DOCK4: variants seen among roughly 807,000 people sequenced by gnomAD.
The protein encoded by DOCK4 is dedicator of cytokinesis 4.
DOCK4 carries 97 observed loss-of-function variants against 268.1 expected under a neutral mutation model. The ratio of observed to expected loss-of-function variants is 0.36; its 90% confidence interval spans 0.31 to 0.43. The LOEUF (loss-of-function observed/expected upper bound fraction) is 0.43. DOCK4 is among the 20% of genes least tolerant of loss of function. DOCK4 has a pLI of 1.00. For missense variants in DOCK4, 2,145 were observed against 2,455.7 expected (o/e 0.87, Z 2.67); for synonymous variants, 954 against 887.2 (o/e 1.08, Z -1.34).
At chr7:111,736,810 T>C in intron 50 of DOCK4, 107 bp downstream of exon 50, 2 of 969,548 alleles carry the variant, frequency 2.1e-6, no homozygotes. Flanking sequence ...TCCTGATCAT[T>C]AAAGAGCTAG....
In DOCK4 at chr7:112,173,685, G is replaced by A. The variant is rs150814191; in HGVS notation, c.37+32417C>T. Among the ~76,000 whole-genome samples, 96 of 152,236 alleles carry A rather than the reference G, an allele frequency of 6.3e-4. No homozygotes were observed. The East Asian group carries it at 7.5e-3, about 12-fold the overall frequency. The stretch of plus-strand genomic sequence containing the variant: ...ACAGCATGAAGACCTGCAGGAGGCC[G>A]TAGTCACAGCTATGCCAGCTGAGGA... On this transcript the variant is annotated intron_variant, in intron 1 of 52. Coordinates refer to ENST00000428084, the MANE Select transcript of DOCK4 (RefSeq NM_001363540.2).
At chr7:111,950,859 A>G (rs1218535714) in intron 8 of DOCK4, among the ~76,000 whole-genome samples, 2 of 152,186 alleles carry the variant, frequency 1.3e-5, no homozygotes, top group African/African-American at 4.8e-5. Context: ...AAAAAACTAT[A>G]CTGATATGTT....
rs994826192 is a variant in DOCK4, at chr7:111,977,834, C to G, written c.550-551G>C. On this transcript the variant is annotated intron_variant, in intron 7 of 52. Transcript: ENST00000428084. ...GACAGGCTGTGGCAAATAATAGTTT[C>G]TAACTTGCTGTGGCGCTATAGGGAG... 2.6e-5 allele frequency among the ~76,000 whole-genome samples: 4 copies of G among 152,290 alleles called. No individual in the cohort carries two copies. The East Asian group carries it at 7.7e-4, about 29-fold the overall frequency.
At chr7:111,968,302 C>T (rs1586524859) in intron 8 of DOCK4, among the ~76,000 whole-genome samples, 2 of 80,848 alleles carry the variant, frequency 2.5e-5, no homozygotes, top group South Asian at 8.7e-4. Flanking sequence ...ATTTTCGTAA[C>T]CTACTCATCT....
At chr7:112,110,465 T>A (rs1455362592) in intron 1 of DOCK4, among the ~76,000 whole-genome samples, 2 of 152,208 alleles carry the variant, frequency 1.3e-5, no homozygotes, top group East Asian at 3.9e-4. Flanking sequence ...TGGGATAGAA[T>A]ACACTTAAAT....
chr7:112,204,781 G>T lies in DOCK4; in HGVS notation c.37+1321C>A, dbSNP rs187368169. On this transcript the variant is annotated intron_variant, in intron 1 of 52. Transcript: ENST00000428084. ...AAATCCCCTCGGACTACGACTCCCT[G>T]GGAAGGCTTTCCAGATGTTTTAAAT... 9.1e-3 allele frequency among the ~76,000 whole-genome samples: 1,388 copies of T among 151,708 alleles called. 27 individuals are homozygous for T. The highest frequency in any genetic ancestry group is 0.032 in the African/African-American group (1,324 of 41,326).
At chr7:111,822,519 C>A in intron 26 of DOCK4, 63 bp from the exon 27 acceptor site, 1 of 1,315,980 alleles carries the variant, frequency 7.6e-7, no homozygotes, top group Non-Finnish European at 1.1e-6. Context: ...TACATACGCA[C>A]ATACACAGGC....
intron 1 of DOCK4, among the ~76,000 whole-genome samples, chr7:112,160,906 A>G (rs1334398192): frequency 2.0e-5 from 3 of 152,190 alleles, no homozygotes; most frequent in Non-Finnish European, 4.4e-5. Context: ...TCTGAGCTCT[A>G]TTAAGCAGGA....
At chr7:112,066,494 C>T (rs568425387) in intron 1 of DOCK4, among the ~76,000 whole-genome samples, 2 of 130,794 alleles carry the variant, frequency 1.5e-5, no homozygotes, top group South Asian at 2.4e-4. Flanking sequence ...CTTTCTCTCT[C>T]TCCCTCTCTC....
At chr7:111,797,802 G>C (rs1485941903) in intron 30 of DOCK4, among the ~76,000 whole-genome samples, 1 of 152,088 alleles carries the variant, frequency 6.6e-6, no homozygotes, top group Non-Finnish European at 1.5e-5. Flanking sequence ...TTTATGAAAA[G>C]GCTGAGAAAG....
At chr7:112,107,457 A>G (rs1811236043) in intron 1 of DOCK4, among the ~76,000 whole-genome samples, 1 of 152,242 alleles carries the variant, frequency 6.6e-6, no homozygotes, top group South Asian at 2.1e-4. Flanking sequence ...TCTGCAAGAC[A>G]AAACGAGAGG....
chr7:112,057,865 A>C (rs1431109441), intron 1 of DOCK4, among the ~76,000 whole-genome samples: 1 of 151,906 alleles, frequency 6.6e-6, no homozygotes, highest in Non-Finnish European at 1.5e-5. Context: ...AAAAGGTTTT[A>C]TAAAACTAAA....
At chr7:111,845,388 A>G (rs528802048) in intron 24 of DOCK4, among the ~76,000 whole-genome samples, 1 of 152,362 alleles carries the variant, frequency 6.6e-6, no homozygotes, top group East Asian at 1.9e-4. Flanking sequence ...GCATGTAAAT[A>G]TTAGGAAATG....
rs757450490 is a variant in DOCK4, at chr7:111,741,544, G to A, written c.4915C>T (p.Arg1639Cys). ...ATAATTTGGAATATGACTTACCTGC[G>A]TCTAGGAATTACCCTGGTACCATCT... The part of the protein sequence containing the change: ...SPDGTRVIPR[R>C]SPLSYPAVNR... The change falls in exon 46 of 53, where the codon CGC becomes TGC. Residue 1639 changes from arginine (R) to cysteine (C), a missense_variant. By Grantham distance (180) the Arg-to-Cys change is radical. Coordinates refer to ENST00000428084, the MANE Select transcript of DOCK4 (RefSeq NM_001363540.2). 6.0e-5 allele frequency: 96 copies of A among 1,612,842 alleles called. No homozygotes were observed. The highest frequency in any genetic ancestry group is 8.0e-5 in the African/African-American group (6 of 75,008).
At chr7:111,954,087 T>A (rs1326430554) in intron 8 of DOCK4, among the ~76,000 whole-genome samples, 1 of 152,182 alleles carries the variant, frequency 6.6e-6, no homozygotes, top group African/African-American at 2.4e-5. Context: ...AGTAAACTTC[T>A]GTTTTTCTCT....
At position 111,736,902 on chromosome 7, in the gene DOCK4, T is replaced by TG. The variant is rs1173570582; in HGVS notation, c.5305+14dup. Reference sequence around the variant, plus strand: ...CCCTTACACATTCCAGGACTGACCATGGGGCTGGCCTTACCTTTTTCAGGT... The same window carrying TG: ...CCCTTACACATTCCAGGACTGACCATGGGGGCTGGCCTTACCTTTTTCAGGT... On this transcript the variant is annotated intron_variant, in intron 50 of 52. Transcript: ENST00000428084. 2 of 1,591,000 alleles carry TG rather than the reference T, an allele frequency of 1.3e-6. No homozygotes were observed. Among genetic ancestry groups the TG allele is most frequent in the Admixed American group, 1.8e-5 (1 of 56,356 alleles).
At chr7:112,193,112 C>T (rs1044700646) in intron 1 of DOCK4, among the ~76,000 whole-genome samples, 2 of 152,102 alleles carry the variant, frequency 1.3e-5, no homozygotes, top group Admixed American at 1.3e-4. Flanking sequence ...TATGATTAAA[C>T]CTGTCACCCT....
chr7:112,192,245 C>T (rs973873880), intron 1 of DOCK4, among the ~76,000 whole-genome samples: 1 of 148,586 alleles, frequency 6.7e-6, no homozygotes, highest in East Asian at 2.0e-4. Flanking sequence ...TACTTAACAT[C>T]GGTCAGGTGA....
intron 35 of DOCK4, among the ~76,000 whole-genome samples, chr7:111,782,588 G>T (rs1205152294): frequency 6.6e-6 from 1 of 152,098 alleles, no homozygotes; most frequent in East Asian, 1.9e-4. Context: ...TGCAACCGGG[G>T]AACCCAATGG....
Sources: allele counts gnomAD v4.1 joint callset (sites outside exome capture counted in the v4.1 genomes callset), GRCh38; gene constraint gnomAD v4.1.1; transcripts MANE v1.5; gene names NCBI Gene and HGNC (gene_info 2026-07-23, HGNC 2026-07-21).